Variants in ROBO2 observed in about 807,000 individuals in gnomAD.
ROBO2 encodes roundabout homolog 2.
In ROBO2, 53 loss-of-function variants were observed where a neutral mutation model predicts 160.8. The ratio of observed to expected loss-of-function variants is 0.33; its 90% CI spans 0.26 to 0.41. ROBO2 has a LOEUF of 0.41. Among genes scored for constraint, ROBO2 ranks in the 10% least tolerant of loss-of-function variants. ROBO2 has a pLI of 1.00. For missense variants in ROBO2, 1,577 were observed against 1,722.4 expected (o/e 0.92, Z 1.49); for synonymous variants, 664 against 611.7 (o/e 1.09, Z -1.26).
In ROBO2 at chr3:76,249,416, A is replaced by G. The variant is rs571664505; in HGVS notation, c.109+311814A>G. On this transcript the variant is annotated intron_variant, in intron 2 of 26. Coordinates refer to the ROBO2 transcript ENST00000487694. ...AAAGATTTTAAATAAGAGAATTTTAATAAGTGAATTACTTATGATAACTCA... is the reference window on the plus strand; with the variant it reads ...AAAGATTTTAAATAAGAGAATTTTAGTAAGTGAATTACTTATGATAACTCA... 2.6e-5 allele frequency among the ~76,000 whole-genome samples: 4 copies of G among 152,184 alleles called. No homozygotes were observed. The East Asian group carries it at 7.7e-4, about 29-fold the overall frequency.
intron 2 of ROBO2, among the ~76,000 whole-genome samples, chr3:76,055,548 C>A (rs1294207395): frequency 1.3e-5 from 2 of 152,008 alleles, no homozygotes; most frequent in Non-Finnish European, 2.9e-5. Flanking sequence ...TCTTTATATC[C>A]ATGTGCCCCC....
intron 20 of ROBO2, chr3:77,603,048 G>A (rs981019842): frequency 1.1e-5 from 5 of 456,542 alleles, no homozygotes; most frequent in Non-Finnish European, 2.2e-5. Context: ...AGAAAGGAGT[G>A]GCAGTCTCTC....
intron 2 of ROBO2, among the ~76,000 whole-genome samples, chr3:76,717,503 A>AG (rs1196256851): frequency 6.6e-5 from 10 of 151,652 alleles, no homozygotes; most frequent in Non-Finnish European, 1.2e-4. Context: ...AAAAAAAAAA[A>AG]AAAGAAAAAA....
Position 77,551,228 on chromosome 3 carries a change from A to AT in ROBO2, c.1231+246dup, listed in dbSNP as rs1186000193. ...TTAATTCTTAAAAATAGAATAGTGC[A>AT]TTTTTTTAAATAAATGTCATCACAC... is the stretch of plus-strand genomic sequence containing the variant. On this transcript the variant is annotated intron_variant, in intron 8 of 25. Coordinates refer to ENST00000461745, the Ensembl canonical transcript of ROBO2. Among the ~76,000 whole-genome samples the AT allele has an allele frequency of 3.3e-5, 5 of 152,084 alleles. No homozygotes were observed. In the East Asian group the frequency reaches 5.8e-4, roughly 18 times the overall value.
At chr3:76,317,786 T>C (rs1257210274) in intron 2 of ROBO2, among the ~76,000 whole-genome samples, 1 of 152,106 alleles carries the variant, frequency 6.6e-6, no homozygotes, top group Non-Finnish European at 1.5e-5. Flanking sequence ...CTAAGATCTG[T>C]TGTAAAACTT....
At chr3:76,417,682 A>G (rs781703427) in intron 2 of ROBO2, among the ~76,000 whole-genome samples, 5 of 152,230 alleles carry the variant, frequency 3.3e-5, no homozygotes, top group Non-Finnish European at 7.3e-5. Flanking sequence ...AATAGGCAAT[A>G]GAATTTCCAA....
At chr3:76,816,011 C>G (rs2065634365) in intron 2 of ROBO2, among the ~76,000 whole-genome samples, 1 of 152,070 alleles carries the variant, frequency 6.6e-6, no homozygotes. Flanking sequence ...TCAAAATATT[C>G]ATGTATACTT....
At chr3:75,989,845 T>C (rs1014669445) in intron 2 of ROBO2, among the ~76,000 whole-genome samples, 4 of 152,238 alleles carry the variant, frequency 2.6e-5, no homozygotes, top group African/African-American at 9.6e-5. Flanking sequence ...ACACATTCTG[T>C]GATTGGTGGC....
At chr3:77,106,102 G>A (rs1238741809) in intron 2 of ROBO2, among the ~76,000 whole-genome samples, 1 of 152,128 alleles carries the variant, frequency 6.6e-6, no homozygotes, top group African/African-American at 2.4e-5. Context: ...GAGTGCAGCG[G>A]TGTGATCTCA....
intron 2 of ROBO2, among the ~76,000 whole-genome samples, chr3:77,135,643 C>T (rs1466314826): frequency 5.3e-5 from 8 of 151,922 alleles, no homozygotes; most frequent in African/African-American, 1.7e-4. Flanking sequence ...TCCTGGAATC[C>T]GGCAATCTTC....
At chr3:76,141,026 TACAC>T (rs544903745) in intron 2 of ROBO2, among the ~76,000 whole-genome samples, 124 of 126,110 alleles carry the variant, frequency 9.8e-4, no homozygotes, top group Non-Finnish European at 1.8e-3. Flanking sequence ...TAGAAAATTG[TACAC>T]ACACACACAC....
chr3:77,545,878 C>G (rs1213097968), intron 6 of ROBO2, among the ~76,000 whole-genome samples: 1 of 151,966 alleles, frequency 6.6e-6, no homozygotes, highest in African/African-American at 2.4e-5. Flanking sequence ...ATTTTATACC[C>G]TTTGGTATCC....
intron 2 of ROBO2, among the ~76,000 whole-genome samples, chr3:76,680,163 C>T (rs750077006): frequency 8.5e-5 from 13 of 152,074 alleles, no homozygotes; most frequent in Admixed American, 2.0e-4. Context: ...ATCTATTGGA[C>T]TTGAAATTTT....
chr3:76,698,056 T>C (rs111314394), intron 2 of ROBO2, among the ~76,000 whole-genome samples: 1 of 152,076 alleles, frequency 6.6e-6, no homozygotes, highest in Non-Finnish European at 1.5e-5. Context: ...GTAGAAGCTC[T>C]TCTATTTTAT....
intron 2 of ROBO2, among the ~76,000 whole-genome samples, chr3:77,435,972 G>A (rs1179458205): frequency 6.7e-6 from 1 of 150,264 alleles, no homozygotes. Context: ...TCTTAATCAA[G>A]AATGACTTTG....
At chr3:76,077,865 TTC>T (rs201329676) in intron 2 of ROBO2, among the ~76,000 whole-genome samples, 2,329 of 152,292 alleles carry the variant, frequency 0.015, 58 homozygotes, top group African/African-American at 0.052. Context: ...AAGGAGACTG[TTC>T]AAATTCTAAG....
chr3:76,739,440 T>C (rs2093766524), intron 2 of ROBO2, among the ~76,000 whole-genome samples: 1 of 126,110 alleles, frequency 7.9e-6, no homozygotes, highest in Non-Finnish European at 1.6e-5. Context: ...TGAGAACACA[T>C]GGACACAAGA....
intron 2 of ROBO2, among the ~76,000 whole-genome samples, chr3:77,159,631 T>C (rs2078313346): frequency 6.6e-6 from 1 of 152,170 alleles, no homozygotes; most frequent in African/African-American, 2.4e-5. Flanking sequence ...CCTGTCCAAA[T>C]TGAAGGATTA....
chr3:76,820,360 AT>A (rs950462196), intron 2 of ROBO2, among the ~76,000 whole-genome samples: 21 of 150,912 alleles, frequency 1.4e-4, no homozygotes, highest in East Asian at 5.8e-4. Flanking sequence ...AATATGAAAA[AT>A]TTTTTTTTTA....
Sources: gnomAD v4.1 joint callset for allele counts (sites outside exome capture counted in the v4.1 genomes callset) on GRCh38, gnomAD v4.1.1 for gene constraint, MANE v1.5 for transcripts, NCBI Gene and HGNC (gene_info 2026-07-23, HGNC 2026-07-21) for gene names.